Variants in PRRX1 observed in about 807,000 individuals in gnomAD.
The protein encoded by PRRX1 is paired mesoderm homeobox protein 1.
PRRX1 carries 8 observed loss-of-function variants against 24.0 expected under a neutral mutation model. The ratio of observed to expected loss-of-function variants is 0.33; its 90% CI spans 0.20 to 0.60. The LOEUF is 0.60. PRRX1 is among the 20% of genes least tolerant of loss of function. The pLI, the probability that PRRX1 is intolerant of heterozygous loss-of-function variation, is 0.82. For synonymous variants in PRRX1, 160 were observed against 131.7 expected, an observed-to-expected ratio of 1.22 and a Z score of -1.47; for missense variants, 281 against 322.4, an observed-to-expected ratio of 0.87 and a Z score of 0.98.
chr1:170,696,096 C>T lies in PRRX1; in HGVS notation c.242-23630C>T, dbSNP rs570643657. On this transcript the variant is annotated intron_variant, in intron 1 of 3. Transcript: ENST00000239461. ...ACAGAAGGGATCAGCATGTGCCTCA[C>T]ACCTGCACTGGTCACTCATTCAAGG... Among the ~76,000 whole-genome samples the T allele has an allele frequency of 2.6e-5, 4 of 152,322 alleles. 1 individual carries two copies. Among genetic ancestry groups the T allele is most frequent in the African/African-American group, 4.8e-5 (2 of 41,582 alleles).
At chr1:170,726,069 T>C in intron 2 of PRRX1, 151 bp from the exon 3 acceptor site, 2 of 766,218 alleles carry the variant, frequency 2.6e-6, no homozygotes, top group South Asian at 3.3e-5. Flanking sequence ...GGCATGTTTC[T>C]ATTGTTCTAC....
chr1:170,736,685 C>A lies in PRRX1; in HGVS notation c.*499C>A, dbSNP rs2101930228. The A allele has an allele frequency of 5.1e-6, 1 of 196,038 alleles. No individual in the cohort carries two copies. The highest frequency in any genetic ancestry group is 7.8e-5 in the East Asian group (1 of 12,826). 12.1% of individuals were successfully genotyped at this position (196,038 alleles called of 1,614,324 possible). ...CTAGGAGCTTTCGAAAAGCCAAAGT[C>A]TTTCTGAAGAATCTGTGCTGGACAG... is the stretch of plus-strand genomic sequence containing the variant. On this transcript the variant is annotated 3_prime_UTR_variant, in exon 4 of 4. Transcript: ENST00000239461.
intron 1 of PRRX1, among the ~76,000 whole-genome samples, chr1:170,715,363 CCTAT>C (rs1438271118): frequency 6.6e-6 from 1 of 152,094 alleles, no homozygotes; most frequent in Admixed American, 6.5e-5. Context: ...GTCAAGGAAT[CCTAT>C]CTCTTTTCTA....
At position 170,737,399 on chromosome 1, in the gene PRRX1, A is replaced by G. The variant is rs1193364337; in HGVS notation, c.*1213A>G. On this transcript the variant is annotated 3_prime_UTR_variant, in exon 4 of 4. Coordinates refer to ENST00000239461, the MANE Select transcript of PRRX1 (RefSeq NM_022716.4). ...CACATTAGGGCTTTAAATGAATTAGAAACTATTTGAGGCTATAAAAATGTC... is the reference window on the plus strand; with the variant it reads ...CACATTAGGGCTTTAAATGAATTAGGAACTATTTGAGGCTATAAAAATGTC... The G allele has an allele frequency of 5.1e-6, 1 of 194,494 alleles. No homozygotes were observed. Among genetic ancestry groups the G allele is most frequent in the East Asian group, 8.0e-5 (1 of 12,438 alleles). The allele number at this position is 194,494 out of a possible 1,614,324, so 12.0% of individuals were successfully genotyped here.
intron 1 of PRRX1, among the ~76,000 whole-genome samples, chr1:170,686,513 T>G (rs1653748508): frequency 6.6e-6 from 1 of 152,038 alleles, no homozygotes; most frequent in African/African-American, 2.4e-5. Flanking sequence ...CCTGCCAAGG[T>G]CAGCAATTCT....
intron 1 of PRRX1, among the ~76,000 whole-genome samples, chr1:170,665,014 C>G (rs1341487334): frequency 2.0e-5 from 3 of 152,222 alleles, no homozygotes; most frequent in Admixed American, 6.5e-5. Flanking sequence ...CGGGAGGCCC[C>G]GAGAGAACGC....
chr1:170,708,351 C>T lies in PRRX1; in HGVS notation c.242-11375C>T, dbSNP rs1436080676. Among the ~76,000 whole-genome samples, 5 of 151,988 alleles carry T rather than the reference C, an allele frequency of 3.3e-5. No individual in the cohort carries two copies. The East Asian group carries it at 9.7e-4, about 29-fold the overall frequency. On this transcript the variant is annotated intron_variant, in intron 1 of 3. Coordinates refer to ENST00000239461, the MANE Select transcript of PRRX1 (RefSeq NM_022716.4). Reference sequence around the variant, plus strand: ...TTTTTTTTCTCATATGACCTTAGTGCATCGGCTTCCTTACTAGTTAAAACA... The same window carrying T: ...TTTTTTTTCTCATATGACCTTAGTGTATCGGCTTCCTTACTAGTTAAAACA...
intron 1 of PRRX1, among the ~76,000 whole-genome samples, chr1:170,705,884 TTCTCTGGGC>T (rs1654540427): frequency 6.6e-6 from 1 of 151,260 alleles, no homozygotes; most frequent in Admixed American, 6.6e-5. Flanking sequence ...CAATTTTGGG[TTCTCTGGGC>T]TAAGTCACAC....
At chr1:170,728,388 T>C (rs1003399966) in intron 3 of PRRX1, 2 of 152,208 alleles carry the variant, frequency 1.3e-5, no homozygotes, top group Admixed American at 1.3e-4. Context: ...ACTGGATACA[T>C]TTTTAAAAAC....
chr1:170,671,261 C>T (rs539426884), intron 1 of PRRX1, among the ~76,000 whole-genome samples: 92 of 152,300 alleles, frequency 6.0e-4, no homozygotes, highest in African/African-American at 1.9e-3. Context: ...ACAGGGGGCT[C>T]TTTTTGGATC....
At chr1:170,713,853 G>A (rs1654822559) in intron 1 of PRRX1, among the ~76,000 whole-genome samples, 1 of 152,208 alleles carries the variant, frequency 6.6e-6, no homozygotes, top group Admixed American at 6.5e-5. Flanking sequence ...AAGTTTAGGG[G>A]CTTTAGTGGG....
intron 1 of PRRX1, among the ~76,000 whole-genome samples, chr1:170,708,326 T>G (rs1474594966): frequency 2.6e-5 from 4 of 152,176 alleles, no homozygotes; most frequent in African/African-American, 9.6e-5. Context: ...AATGTAACTT[T>G]TTTTTTTCTC....
At chr1:170,682,814 T>C (rs1472559271) in intron 1 of PRRX1, among the ~76,000 whole-genome samples, 1 of 152,150 alleles carries the variant, frequency 6.6e-6, no homozygotes, top group Non-Finnish European at 1.5e-5. Flanking sequence ...TTAGTAAGTT[T>C]TATGAAAGAA....
At chr1:170,720,620 T>C (rs1268802473) in intron 2 of PRRX1, among the ~76,000 whole-genome samples, 1 of 152,172 alleles carries the variant, frequency 6.6e-6, no homozygotes, top group Non-Finnish European at 1.5e-5. Flanking sequence ...ACCTCAGCTC[T>C]CCTCCCCAGT....
At chr1:170,694,947 A>G (rs1654117304) in intron 1 of PRRX1, among the ~76,000 whole-genome samples, 1 of 152,176 alleles carries the variant, frequency 6.6e-6, no homozygotes, top group South Asian at 2.1e-4. Context: ...CAGCCTCTTC[A>G]TGTAGTAAGT....
intron 1 of PRRX1, among the ~76,000 whole-genome samples, chr1:170,688,820 C>G (rs774202728): frequency 6.6e-6 from 1 of 152,038 alleles, no homozygotes; most frequent in African/African-American, 2.4e-5. Context: ...TTTTTCTTCC[C>G]ATATCTTAAC....
chr1:170,736,282 A>T lies in PRRX1; in HGVS notation c.*96A>T. 6.6e-7 allele frequency: 1 copy of T among 1,506,194 alleles called. No homozygotes were observed. Among genetic ancestry groups the T allele is most frequent in the Non-Finnish European group, 9.1e-7 (1 of 1,095,948 alleles). 93.3% of individuals were successfully genotyped at this position (1,506,194 alleles called of 1,614,324 possible). ...TCTTCATCTGCTGGGGGGAAAAAGT[A>T]AATTACAAACAAACAAACAAAGCAG... On this transcript the variant is annotated 3_prime_UTR_variant, in exon 4 of 4. Coordinates refer to ENST00000239461, the MANE Select transcript of PRRX1 (RefSeq NM_022716.4).
intron 3 of PRRX1, 96 bp downstream of exon 3, chr1:170,726,497 T>C: frequency 1.4e-6 from 2 of 1,420,972 alleles, no homozygotes; most frequent in Non-Finnish European, 2.0e-6. Context: ...CGACATTTCT[T>C]ACTGGGTTAA....
intron 1 of PRRX1, among the ~76,000 whole-genome samples, chr1:170,675,559 A>G (rs962357949): frequency 6.6e-6 from 1 of 152,144 alleles, no homozygotes; most frequent in African/African-American, 2.4e-5. Context: ...AGGTATACGT[A>G]AGATAGTGAC....
Sources: gnomAD v4.1 joint callset for allele counts (sites outside exome capture counted in the v4.1 genomes callset) on GRCh38, gnomAD v4.1.1 for gene constraint, MANE v1.5 for transcripts, NCBI Gene and HGNC (gene_info 2026-07-23, HGNC 2026-07-21) for gene names.